HMGCLL1: variants seen among roughly 807,000 people sequenced by gnomAD.
HMGCLL1 encodes the protein 3-hydroxymethyl-3-methylglutaryl-CoA lyase, cytoplasmic.
HMGCLL1 carries 36 observed loss-of-function variants against 39.1 expected under a neutral mutation model. That is an observed-to-expected ratio of 0.92 (90% CI 0.71 to 1.22). The LOEUF (loss-of-function observed/expected upper bound fraction) is 1.22, where lower values mean the gene tolerates loss of function less well. Among genes scored for constraint, HMGCLL1 ranks in the 50% most tolerant of loss-of-function variants. HMGCLL1 has a pLI of 0.00. For synonymous variants in HMGCLL1, 149 were observed against 144.0 expected (o/e 1.03, Z -0.25); for missense variants, 451 against 416.5 (o/e 1.08, Z -0.72).
the HMGCLL1 span, among the ~76,000 whole-genome samples, chr6:55,666,445 A>G: frequency 0.33 from 49,366 of 151,444 alleles, 8,252 homozygotes; most frequent in East Asian, 0.41. Context: ...AAGCAAAAGC[A>G]GTTATATTTT....
chr6:55,483,303 G>A (rs908883359), intron 7 of HMGCLL1, among the ~76,000 whole-genome samples: 1 of 152,144 alleles, frequency 6.6e-6, no homozygotes, highest in Admixed American at 6.5e-5. Context: ...GTCACACTCT[G>A]TCATCAGGCT....
intron 7 of HMGCLL1, among the ~76,000 whole-genome samples, chr6:55,454,158 C>G (rs1441753640): frequency 6.6e-6 from 1 of 152,080 alleles, no homozygotes; most frequent in Non-Finnish European, 1.5e-5. Context: ...TCTTGTAACT[C>G]AAATAATTGG....
the HMGCLL1 span, among the ~76,000 whole-genome samples, chr6:55,599,932 G>C: frequency 6.6e-6 from 1 of 152,152 alleles, no homozygotes; most frequent in Non-Finnish European, 1.5e-5. Flanking sequence ...TGTGAAAGGT[G>C]TTGGCTATCT....
At chr6:55,588,181 G>T in the HMGCLL1 span, among the ~76,000 whole-genome samples, 1 of 152,036 alleles carries the variant, frequency 6.6e-6, no homozygotes, top group South Asian at 2.1e-4. Flanking sequence ...AAATGTAAAA[G>T]AACAGAAATT....
At chr6:55,506,835 TAA>T (rs1408981005) in intron 5 of HMGCLL1, among the ~76,000 whole-genome samples, 3 of 81,656 alleles carry the variant, frequency 3.7e-5, no homozygotes, top group African/African-American at 4.4e-5. Context: ...GTTTTCAACT[TAA>T]AAAGAAAAAA....
chr6:55,452,781 T>C (rs1025229967), intron 7 of HMGCLL1, among the ~76,000 whole-genome samples: 2 of 152,192 alleles, frequency 1.3e-5, no homozygotes, highest in Non-Finnish European at 2.9e-5. Flanking sequence ...TTGTTTACGG[T>C]AGCCTGAGTT....
At chr6:55,507,170 T>C (rs1767210995) in intron 5 of HMGCLL1, among the ~76,000 whole-genome samples, 1 of 151,824 alleles carries the variant, frequency 6.6e-6, no homozygotes, top group Admixed American at 6.6e-5. Flanking sequence ...ATTTCACAGA[T>C]TCAGGAATAG....
the HMGCLL1 span, among the ~76,000 whole-genome samples, chr6:55,607,101 A>G: frequency 7.9e-5 from 12 of 152,188 alleles, no homozygotes; most frequent in Non-Finnish European, 1.6e-4. Context: ...CTGATATACT[A>G]TGCAGGTGCA....
intron 1 of HMGCLL1, among the ~76,000 whole-genome samples, chr6:55,563,303 A>G (rs1771048777): frequency 6.6e-6 from 1 of 152,196 alleles, no homozygotes; most frequent in South Asian, 2.1e-4. Flanking sequence ...TTAAAGCCAA[A>G]ATGTAAAAAA....
At chr6:55,535,468 C>T (rs1768960448) in intron 3 of HMGCLL1, among the ~76,000 whole-genome samples, 1 of 152,130 alleles carries the variant, frequency 6.6e-6, no homozygotes, top group Admixed American at 6.5e-5. Flanking sequence ...AGTAGATCAT[C>T]AATTAAGTGA....
chr6:55,656,153 G>A, the HMGCLL1 span, among the ~76,000 whole-genome samples: 1 of 151,970 alleles, frequency 6.6e-6, no homozygotes, highest in South Asian at 2.1e-4. Context: ...TATTCAAAAA[G>A]TTTTATTTCC....
In HMGCLL1 at chr6:55,543,216, T is replaced by G. The variant is rs1208584119; in HGVS notation, c.109-1076A>C. On this transcript the variant is annotated intron_variant, in intron 1 of 8. Coordinates refer to ENST00000274901, the MANE Select transcript of HMGCLL1 (RefSeq NM_001042406.2). Reference sequence around the variant, plus strand: ...ATATTATATATTATATATTATATATTATATAATATATAATATAGATATAAT... The same window carrying G: ...ATATTATATATTATATATTATATATGATATAATATATAATATAGATATAAT... Among the ~76,000 whole-genome samples, 2 of 13,782 alleles carry G rather than the reference T, an allele frequency of 1.5e-4. 1 individual carries two copies. The highest frequency in any genetic ancestry group is 2.7e-4 in the Non-Finnish European group (2 of 7,478). The allele number at this position is 13,782 out of a possible 152,430, so 9.0% of individuals were successfully genotyped here. A position where few individuals can be genotyped will look rare whatever the true frequency, so the allele number is the denominator to read the frequency against.
chr6:55,625,313 C>T, the HMGCLL1 span, among the ~76,000 whole-genome samples: 20 of 152,138 alleles, frequency 1.3e-4, no homozygotes, highest in Admixed American at 1.3e-3. Context: ...ATTCCATCAT[C>T]GAATGGAAGT....
chr6:55,588,618 C>T, the HMGCLL1 span, among the ~76,000 whole-genome samples: 1 of 151,938 alleles, frequency 6.6e-6, no homozygotes, highest in African/African-American at 2.4e-5. Context: ...AATCCAGGAG[C>T]TGGTTTTTTG....
At chr6:55,555,346 C>G (rs1452212803) in intron 1 of HMGCLL1, among the ~76,000 whole-genome samples, 1 of 152,082 alleles carries the variant, frequency 6.6e-6, no homozygotes, top group African/African-American at 2.4e-5. Context: ...AAGTCAACAA[C>G]AACAACAACA....
At position 55,494,575 on chromosome 6, in the gene HMGCLL1, G is replaced by C. The variant is rs145603831; in HGVS notation, c.795+844C>G. 3.3e-4 allele frequency among the ~76,000 whole-genome samples: 50 copies of C among 152,250 alleles called. No homozygotes were observed. The East Asian group carries it at 9.5e-3, about 29-fold the overall frequency. On this transcript the variant is annotated intron_variant, in intron 7 of 8. Transcript: ENST00000274901. Reference sequence around the variant, plus strand: ...TACAAAGTCAAAATAAGCCCTTGTGGAACTTGATCTTCCCATTGTTTTTTA... The same window carrying C: ...TACAAAGTCAAAATAAGCCCTTGTGCAACTTGATCTTCCCATTGTTTTTTA...
chr6:55,572,251 A>AAAT (rs1771538426), intron 1 of HMGCLL1, among the ~76,000 whole-genome samples: 1 of 152,154 alleles, frequency 6.6e-6, no homozygotes, highest in South Asian at 2.1e-4. Flanking sequence ...AAAGAAAGGT[A>AAAT]AATAATAATA....
intron 7 of HMGCLL1, among the ~76,000 whole-genome samples, chr6:55,455,365 ATT>A (rs5876452): frequency 6.6e-6 from 1 of 150,814 alleles, no homozygotes; most frequent in Non-Finnish European, 1.5e-5. Flanking sequence ...ATATAAAATA[ATT>A]TTTTTTTTCT....
At chr6:55,559,368 G>T (rs1770825503) in intron 1 of HMGCLL1, among the ~76,000 whole-genome samples, 1 of 152,132 alleles carries the variant, frequency 6.6e-6, no homozygotes, top group Non-Finnish European at 1.5e-5. Flanking sequence ...AGTCTATCTG[G>T]CAGAGACTAC....
Sources: allele counts gnomAD v4.1 joint callset (sites outside exome capture counted in the v4.1 genomes callset), GRCh38; gene constraint gnomAD v4.1.1; transcripts MANE v1.5; gene names NCBI Gene and HGNC (gene_info 2026-07-23, HGNC 2026-07-21).